Variants in SYT1 observed in about 807,000 individuals in gnomAD.
SYT1 encodes the protein synaptotagmin-1.
Under a neutral mutation model 44.8 loss-of-function variants are expected in SYT1, and 8 were observed. The ratio of observed to expected loss-of-function variants is 0.18; its 90% confidence interval spans 0.10 to 0.32. The LOEUF (loss-of-function observed/expected upper bound fraction) is 0.32, where lower values mean the gene tolerates loss of function less well. SYT1 is among the 10% of genes least tolerant of loss of function. SYT1 has a pLI of 1.00. For missense variants in SYT1, 286 were observed against 509.3 expected (o/e 0.56, Z 4.22); for synonymous variants, 154 against 188.8 (o/e 0.82, Z 1.51).
chr12:78,932,121 G>A (rs753536804), intron 1 of SYT1, among the ~76,000 whole-genome samples: 29 of 152,164 alleles, frequency 1.9e-4, no homozygotes, highest in Non-Finnish European at 8.8e-5. Context: ...CCTTATTGAT[G>A]CAATTGTGAG....
chr12:79,034,732 CA>C (rs1191327660), intron 2 of SYT1, among the ~76,000 whole-genome samples: 2 of 151,710 alleles, frequency 1.3e-5, no homozygotes, highest in South Asian at 4.2e-4. Context: ...CTGAAGAGGG[CA>C]ATTTTCATGT....
chr12:79,101,809 G>C (rs553501353), intron 3 of SYT1, among the ~76,000 whole-genome samples: 3 of 152,108 alleles, frequency 2.0e-5, no homozygotes, highest in Non-Finnish European at 4.4e-5. Flanking sequence ...CGAGGGCTGA[G>C]GCCAGAGGAT....
chr12:79,179,015 G>GATATAGAT lies in SYT1; in HGVS notation c.-17-38484_-17-38477dup, dbSNP rs1565841056. 2.4e-3 allele frequency among the ~76,000 whole-genome samples: 41 copies of GATATAGAT among 17,020 alleles called. 11 individuals are homozygous for GATATAGAT. Among genetic ancestry groups the GATATAGAT allele is most frequent in the Non-Finnish European group, 3.0e-3 (30 of 10,024 alleles). The allele number at this position is 17,020 out of a possible 152,430, so 11.2% of individuals were successfully genotyped here. A position where few individuals can be genotyped will look rare whatever the true frequency, so the allele number is the denominator to read the frequency against. On this transcript the variant is annotated intron_variant, in intron 3 of 10. Transcript: ENST00000261205. ...ATATAGATATAGATATAGATATATAGATATAGATATAGATATATAGATATA... is the reference window on the plus strand; with the variant it reads ...ATATAGATATAGATATAGATATATAGATATAGATATATAGATATAGATATATAGATATA...
intron 9 of SYT1, among the ~76,000 whole-genome samples, chr12:79,361,760 T>A (rs1883323776): frequency 6.6e-6 from 1 of 152,174 alleles, no homozygotes; most frequent in African/African-American, 2.4e-5. Context: ...ACAGTGACAT[T>A]TCAGCTGTAT....
chr12:79,179,635 G>C (rs901821083), intron 3 of SYT1, among the ~76,000 whole-genome samples: 2 of 151,108 alleles, frequency 1.3e-5, no homozygotes, highest in African/African-American at 4.9e-5. Flanking sequence ...GGTCAGGCTG[G>C]TCTCAAACTC....
chr12:79,043,364 C>G (rs1398134184), intron 2 of SYT1, among the ~76,000 whole-genome samples: 1 of 150,642 alleles, frequency 6.6e-6, no homozygotes, highest in African/African-American at 2.5e-5. Context: ...TGAATTGATC[C>G]CTTTACCATT....
chr12:78,957,029 A>G (rs922780481), intron 1 of SYT1, among the ~76,000 whole-genome samples: 1 of 152,214 alleles, frequency 6.6e-6, no homozygotes, highest in African/African-American at 2.4e-5. Flanking sequence ...GGTCAGAATC[A>G]GAAAAAGATT....
chr12:79,227,510 T>C (rs1346291415), intron 4 of SYT1, among the ~76,000 whole-genome samples: 2 of 152,160 alleles, frequency 1.3e-5, no homozygotes, highest in African/African-American at 4.8e-5. Context: ...AGAACTTGAC[T>C]CTTAGTCCAG....
chr12:79,152,700 A>C (rs1246193897), intron 3 of SYT1, among the ~76,000 whole-genome samples: 1 of 152,068 alleles, frequency 6.6e-6, no homozygotes, highest in Admixed American at 6.6e-5. Flanking sequence ...TTGGAATATT[A>C]ATGGTTTAGA....
chr12:79,151,016 G>A (rs1046204284), intron 3 of SYT1, among the ~76,000 whole-genome samples: 4 of 152,142 alleles, frequency 2.6e-5, no homozygotes, highest in African/African-American at 7.2e-5. Flanking sequence ...ATAAGAAAGG[G>A]GAGCTAGTTT....
At chr12:79,183,134 C>T (rs1197399779) in intron 3 of SYT1, among the ~76,000 whole-genome samples, 1 of 152,010 alleles carries the variant, frequency 6.6e-6, no homozygotes, top group East Asian at 1.9e-4. Flanking sequence ...TCAAGCTAGA[C>T]AAACTTTTGT....
At chr12:79,237,174 G>A (rs913097169) in intron 4 of SYT1, among the ~76,000 whole-genome samples, 1 of 152,200 alleles carries the variant, frequency 6.6e-6, no homozygotes, top group Non-Finnish European at 1.5e-5. Flanking sequence ...GACAGGTGCT[G>A]TGTCTGGGTC....
At chr12:79,137,346 C>A (rs1355965291) in intron 3 of SYT1, among the ~76,000 whole-genome samples, 1 of 152,000 alleles carries the variant, frequency 6.6e-6, no homozygotes, top group Admixed American at 6.6e-5. Context: ...TCCATCCACC[C>A]CAACCTCCCA....
At chr12:79,202,539 T>A (rs1418944409) in intron 3 of SYT1, among the ~76,000 whole-genome samples, 2 of 151,656 alleles carry the variant, frequency 1.3e-5, no homozygotes, top group African/African-American at 2.4e-5. Flanking sequence ...AGAGAAGGAG[T>A]CAGGGAAGAA....
At chr12:78,931,169 GAAAGAAAGA>G (rs1190892222) in intron 1 of SYT1, among the ~76,000 whole-genome samples, 8 of 119,560 alleles carry the variant, frequency 6.7e-5, no homozygotes, top group Admixed American at 6.6e-4. Flanking sequence ...TGGAAAGAAA[GAAAGAAAGA>G]AAAAGAAAGA....
chr12:79,010,366 A>G (rs745320391), intron 2 of SYT1, among the ~76,000 whole-genome samples: 7 of 152,124 alleles, frequency 4.6e-5, no homozygotes, highest in South Asian at 2.1e-4. Context: ...GTTGCCTACT[A>G]TGGAATCCTC....
At chr12:79,028,538 C>T (rs1872658844) in intron 2 of SYT1, among the ~76,000 whole-genome samples, 1 of 151,226 alleles carries the variant, frequency 6.6e-6, no homozygotes, top group East Asian at 1.9e-4. Flanking sequence ...GCCTCATATC[C>T]AGGGCACTTA....
intron 4 of SYT1, among the ~76,000 whole-genome samples, chr12:79,284,657 G>A (rs946545074): frequency 5.9e-5 from 9 of 151,960 alleles, no homozygotes; most frequent in African/African-American, 1.9e-4. Context: ...CCAACATGGT[G>A]AAACCCCGTA....
chr12:79,130,636 C>T (rs117050479), intron 3 of SYT1, among the ~76,000 whole-genome samples: 5,732 of 152,228 alleles, frequency 0.038, 166 homozygotes, highest in Non-Finnish European at 0.054. Flanking sequence ...GTTCTAACTT[C>T]AACCCATTAT....
Sources: allele counts gnomAD v4.1 joint callset (sites outside exome capture counted in the v4.1 genomes callset), GRCh38; gene constraint gnomAD v4.1.1; transcripts MANE v1.5; gene names NCBI Gene and HGNC (gene_info 2026-07-23, HGNC 2026-07-21).